The following NCOA2 variants were observed in gnomAD, a reference collection of about 807,000 sequenced individuals.
NCOA2 encodes the protein nuclear receptor coactivator 2.
Under a neutral mutation model 145.1 loss-of-function variants are expected in NCOA2, and 21 were observed. The observed-to-expected ratio is 0.14, with a 90% CI of 0.10 to 0.21. The LOEUF (loss-of-function observed/expected upper bound fraction) is 0.21. Ranked by LOEUF, NCOA2 falls within the 10% of genes least tolerant of loss-of-function variation. NCOA2 has a pLI of 1.00. For synonymous variants in NCOA2, 619 were observed against 637.5 expected, an observed-to-expected ratio of 0.97 and a Z score of 0.44; for missense variants, 1,472 against 1,837.6, an observed-to-expected ratio of 0.80 and a Z score of 3.64.
chr8:70,370,510 T>C (rs1283129224), intron 1 of NCOA2, among the ~76,000 whole-genome samples: 1 of 152,214 alleles, frequency 6.6e-6, no homozygotes, highest in Non-Finnish European at 1.5e-5. Flanking sequence ...TATTTATTTA[T>C]TCCACGTTCT....
chr8:70,128,348 T>C, intron 18 of NCOA2, 85 bp downstream of exon 18: 1 of 1,165,500 alleles, frequency 8.6e-7, no homozygotes, highest in Non-Finnish European at 1.3e-6. Context: ...CCACGTCTAC[T>C]AAGTTAACTT....
At chr8:70,417,316 A>G in the NCOA2 span, among the ~76,000 whole-genome samples, 5 of 149,192 alleles carry the variant, frequency 3.4e-5, no homozygotes, top group East Asian at 1.0e-3. Flanking sequence ...TGGGAAGCCG[A>G]GGTGGGTGGA....
intron 2 of NCOA2, among the ~76,000 whole-genome samples, chr8:70,248,686 G>T (rs959267337): frequency 6.6e-6 from 1 of 151,938 alleles, no homozygotes; most frequent in Non-Finnish European, 1.5e-5. Context: ...GATTACTTAT[G>T]ATACCTAATA....
chr8:70,451,400 C>CAAAA, the NCOA2 span, among the ~76,000 whole-genome samples: 1 of 67,506 alleles, frequency 1.5e-5, no homozygotes, highest in Non-Finnish European at 2.7e-5. Context: ...AGAGTGAGAC[C>CAAAA]AAAAAAAAAA....
chr8:70,294,835 G>C (rs1042004786), intron 2 of NCOA2, among the ~76,000 whole-genome samples: 4 of 152,122 alleles, frequency 2.6e-5, no homozygotes, highest in Non-Finnish European at 5.9e-5. Flanking sequence ...CAACCAAAAG[G>C]CACTTACATA....
At chr8:70,208,492 A>C (rs191340900) in intron 4 of NCOA2, among the ~76,000 whole-genome samples, 18 of 152,350 alleles carry the variant, frequency 1.2e-4, no homozygotes, top group Non-Finnish European at 1.8e-4. Context: ...CAATGTAGAC[A>C]AAAAAACCTT....
At chr8:70,193,941 T>C (rs1816971938) in intron 4 of NCOA2, among the ~76,000 whole-genome samples, 1 of 152,220 alleles carries the variant, frequency 6.6e-6, no homozygotes, top group African/African-American at 2.4e-5. Flanking sequence ...CACGCTGATA[T>C]TGGCATTATT....
intron 13 of NCOA2, among the ~76,000 whole-genome samples, 192 bp from the exon 14 acceptor site, chr8:70,141,591 A>G (rs1810439984): frequency 6.6e-6 from 1 of 152,252 alleles, no homozygotes; most frequent in Non-Finnish European, 1.5e-5. Context: ...CATAGTTTTC[A>G]TAACATGGAC....
chr8:70,225,375 C>T (rs1010956789), intron 2 of NCOA2, among the ~76,000 whole-genome samples: 3 of 151,826 alleles, frequency 2.0e-5, no homozygotes, highest in South Asian at 2.1e-4. Flanking sequence ...TGGTGAAACC[C>T]GCCTCTACTA....
At chr8:70,431,317 G>C in the NCOA2 span, among the ~76,000 whole-genome samples, 46 of 152,194 alleles carry the variant, frequency 3.0e-4, no homozygotes, top group African/African-American at 1.1e-3. Context: ...TTTGTAAGAT[G>C]TGATATCTAA....
At chr8:70,278,383 G>A (rs149427468) in intron 2 of NCOA2, among the ~76,000 whole-genome samples, 1 of 152,058 alleles carries the variant, frequency 6.6e-6, no homozygotes, top group East Asian at 1.9e-4. Flanking sequence ...TCATATTCAC[G>A]TTCCATCAAT....
intron 2 of NCOA2, among the ~76,000 whole-genome samples, chr8:70,248,973 G>A (rs73684242): frequency 0.022 from 3,417 of 152,040 alleles, 128 homozygotes; most frequent in African/African-American, 0.078. Flanking sequence ...GGGAGCTTGT[G>A]ATGAACAGAA....
intron 1 of NCOA2, among the ~76,000 whole-genome samples, chr8:70,302,400 C>G (rs1024615142): frequency 2.0e-5 from 3 of 152,094 alleles, no homozygotes; most frequent in African/African-American, 7.2e-5. Context: ...TGCAGACAAG[C>G]TCATGATTTC....
chr8:70,392,294 G>A (rs531549804), intron 1 of NCOA2, among the ~76,000 whole-genome samples: 3 of 152,304 alleles, frequency 2.0e-5, no homozygotes, highest in Admixed American at 6.5e-5. Context: ...TGCACAAAGC[G>A]CCGCCCACTT....
At chr8:70,195,524 C>T (rs1364247099) in intron 4 of NCOA2, among the ~76,000 whole-genome samples, 2 of 152,126 alleles carry the variant, frequency 1.3e-5, no homozygotes, top group African/African-American at 2.4e-5. Context: ...GCTTTGTCAG[C>T]CTAGAGGGAA....
chr8:70,119,534 T>TCCC (rs1175126465), intron 22 of NCOA2, among the ~76,000 whole-genome samples: 1 of 152,228 alleles, frequency 6.6e-6, no homozygotes, highest in Non-Finnish European at 1.5e-5. Context: ...AGTGCAGGTA[T>TCCC]CCCTTTGATA....
intron 4 of NCOA2, among the ~76,000 whole-genome samples, chr8:70,182,770 T>A (rs1390498872): frequency 6.6e-6 from 1 of 152,190 alleles, no homozygotes; most frequent in South Asian, 2.1e-4. Context: ...CTTCCTTTTA[T>A]ATAATCCAAA....
At chr8:70,321,636 ACACCCTTCGC>A (rs1437201710) in intron 1 of NCOA2, among the ~76,000 whole-genome samples, 1 of 152,136 alleles carries the variant, frequency 6.6e-6, no homozygotes, top group East Asian at 1.9e-4. Flanking sequence ...ACTTACTAAG[ACACCCTTCGC>A]CACACAAGAA....
At chr8:70,171,611 C>G (rs551746779) in intron 5 of NCOA2, among the ~76,000 whole-genome samples, 7 of 152,308 alleles carry the variant, frequency 4.6e-5, no homozygotes, top group African/African-American at 9.6e-5. Context: ...ATTCATCATA[C>G]CTGGGACCAG....
Sources: gnomAD v4.1 joint callset for allele counts (sites outside exome capture counted in the v4.1 genomes callset) on GRCh38, gnomAD v4.1.1 for gene constraint, MANE v1.5 for transcripts, NCBI Gene and HGNC (gene_info 2026-07-23, HGNC 2026-07-21) for gene names.